The following LDB2 variants were observed in gnomAD, a reference collection of about 807,000 sequenced individuals.
LDB2 encodes the protein LIM domain-binding protein 2.
Under a neutral mutation model 44.3 loss-of-function variants are expected in LDB2, and 12 were observed. The ratio of observed to expected loss-of-function variants is 0.27; its 90% CI spans 0.17 to 0.44. The LOEUF (loss-of-function observed/expected upper bound fraction) is 0.44. Among genes scored for constraint, LDB2 ranks in the 20% least tolerant of loss-of-function variants. LDB2 has a pLI of 1.00. For missense variants in LDB2, 344 were observed against 473.5 expected, an observed-to-expected ratio of 0.73 and a Z score of 2.54; for synonymous variants, 164 against 174.8, an observed-to-expected ratio of 0.94 and a Z score of 0.49.
intron 2 of LDB2, among the ~76,000 whole-genome samples, chr4:16,714,516 C>T (rs903456277): frequency 6.6e-6 from 1 of 152,138 alleles, no homozygotes; most frequent in Non-Finnish European, 1.5e-5. Context: ...AATGAGAACA[C>T]TAGAACAGGT....
intron 5 of LDB2, among the ~76,000 whole-genome samples, chr4:16,532,100 C>G (rs989253060): frequency 6.6e-6 from 1 of 152,060 alleles, no homozygotes; most frequent in Non-Finnish European, 1.5e-5. Context: ...GGGAATCAGC[C>G]TCTCTCTTCA....
chr4:16,771,295 T>C (rs1318592271), intron 1 of LDB2, among the ~76,000 whole-genome samples: 2 of 152,174 alleles, frequency 1.3e-5, no homozygotes, highest in East Asian at 3.9e-4. Flanking sequence ...ACCCAGAATA[T>C]TCTTGAAACC....
intron 1 of LDB2, among the ~76,000 whole-genome samples, chr4:16,815,407 C>T (rs920451974): frequency 6.6e-6 from 1 of 152,224 alleles, no homozygotes; most frequent in African/African-American, 2.4e-5. Context: ...ATCCAAATTT[C>T]ACTGGAGTCT....
intron 1 of LDB2, among the ~76,000 whole-genome samples, chr4:16,825,089 G>T (rs908906410): frequency 6.6e-6 from 1 of 152,162 alleles, no homozygotes; most frequent in Non-Finnish European, 1.5e-5. Flanking sequence ...CCTGGAGGGG[G>T]TGGCTGGAAA....
chr4:16,538,550 G>A (rs1458360634), intron 5 of LDB2, among the ~76,000 whole-genome samples: 1 of 152,176 alleles, frequency 6.6e-6, no homozygotes, highest in Non-Finnish European at 1.5e-5. Context: ...CAGTTCTGAT[G>A]TTTATTTCAC....
chr4:16,838,729 G>A (rs1785340967), intron 1 of LDB2, among the ~76,000 whole-genome samples: 1 of 152,180 alleles, frequency 6.6e-6, no homozygotes, highest in Non-Finnish European at 1.5e-5. Context: ...TCCAGTGTGA[G>A]GAAAAGGACA....
At chr4:16,631,957 C>T (rs1310022959) in intron 2 of LDB2, among the ~76,000 whole-genome samples, 1 of 152,146 alleles carries the variant, frequency 6.6e-6, no homozygotes, top group Non-Finnish European at 1.5e-5. Context: ...GCCTATCAAC[C>T]ATGCAAAGTC....
intron 1 of LDB2, among the ~76,000 whole-genome samples, chr4:16,775,068 A>G (rs1561189824): frequency 6.6e-6 from 1 of 152,236 alleles, no homozygotes; most frequent in East Asian, 1.9e-4. Flanking sequence ...TTTCATTTAC[A>G]CAAAATGTCC....
At chr4:16,695,035 G>A (rs960642467) in intron 2 of LDB2, among the ~76,000 whole-genome samples, 6 of 152,028 alleles carry the variant, frequency 3.9e-5, no homozygotes, top group Non-Finnish European at 8.8e-5. Flanking sequence ...CTATTGTTTC[G>A]TTAGTTAGTT....
intron 2 of LDB2, among the ~76,000 whole-genome samples, chr4:16,727,185 C>T (rs1192698336): frequency 6.6e-6 from 1 of 152,172 alleles, no homozygotes; most frequent in African/African-American, 2.4e-5. Flanking sequence ...CCTGATTCAT[C>T]AACTCAAAGA....
chr4:16,544,519 T>C (rs1735011844), intron 5 of LDB2, among the ~76,000 whole-genome samples: 1 of 152,152 alleles, frequency 6.6e-6, no homozygotes, highest in Non-Finnish European at 1.5e-5. Context: ...CTTCACCCAG[T>C]GGTGGAGAAC....
chr4:16,651,373 C>A (rs1226836143), intron 2 of LDB2, among the ~76,000 whole-genome samples: 1 of 152,138 alleles, frequency 6.6e-6, no homozygotes, highest in Non-Finnish European at 1.5e-5. Context: ...TCATTAGTGC[C>A]CATGAATAAA....
chr4:16,836,674 A>G (rs1784931480), intron 1 of LDB2, among the ~76,000 whole-genome samples: 1 of 152,162 alleles, frequency 6.6e-6, no homozygotes, highest in Non-Finnish European at 1.5e-5. Flanking sequence ...TTTTCCTTCC[A>G]AATCATTCAT....
chr4:16,564,608 A>G (rs1362471335), intron 5 of LDB2, among the ~76,000 whole-genome samples: 8 of 152,216 alleles, frequency 5.3e-5, no homozygotes, highest in Non-Finnish European at 1.5e-5. Flanking sequence ...TTTCAAATGC[A>G]TTCACTTTTC....
At chr4:16,574,253 A>C (rs1407920696) in intron 5 of LDB2, among the ~76,000 whole-genome samples, 1 of 152,234 alleles carries the variant, frequency 6.6e-6, no homozygotes, top group Non-Finnish European at 1.5e-5. Context: ...GCTTATTTGA[A>C]GATTTAGACT....
intron 2 of LDB2, among the ~76,000 whole-genome samples, chr4:16,751,112 T>G (rs1322570883): frequency 6.6e-6 from 1 of 152,192 alleles, no homozygotes; most frequent in African/African-American, 2.4e-5. Flanking sequence ...ATGTCCATTT[T>G]CTGGTTAGTA....
intron 2 of LDB2, among the ~76,000 whole-genome samples, chr4:16,612,751 A>C (rs763370614): frequency 6.6e-6 from 1 of 152,204 alleles, no homozygotes; most frequent in Non-Finnish European, 1.5e-5. Flanking sequence ...GGACGGATTC[A>C]CAGCTGAATT....
intron 5 of LDB2, among the ~76,000 whole-genome samples, chr4:16,558,281 A>G (rs1468283953): frequency 2.0e-5 from 3 of 152,222 alleles, no homozygotes; most frequent in Non-Finnish European, 4.4e-5. Context: ...GAGGAAATGC[A>G]AACCAAAGGC....
At chr4:16,671,971 G>A (rs554730152) in intron 2 of LDB2, among the ~76,000 whole-genome samples, 3 of 152,300 alleles carry the variant, frequency 2.0e-5, no homozygotes, top group African/African-American at 7.2e-5. Context: ...GAGTCCACTG[G>A]GACGCAATTT....
Sources: gnomAD v4.1 joint callset for allele counts (sites outside exome capture counted in the v4.1 genomes callset) on GRCh38, gnomAD v4.1.1 for gene constraint, MANE v1.5 for transcripts, NCBI Gene and HGNC (gene_info 2026-07-23, HGNC 2026-07-21) for gene names.